The following TRPM8 variants were observed in gnomAD, a reference collection of about 807,000 sequenced individuals.
The protein encoded by TRPM8 is transient receptor potential cation channel subfamily M member 8.
In TRPM8, 110 loss-of-function variants were observed where a neutral mutation model predicts 133.7. The observed-to-expected ratio is 0.82, with a 90% CI of 0.70 to 0.96. TRPM8 has a LOEUF of 0.96. Ranked by LOEUF, TRPM8 falls within the 40% of genes least tolerant of loss-of-function variation. TRPM8 has a pLI of 0.00. For missense variants in TRPM8, 1,291 were observed against 1,379.5 expected (o/e 0.94, Z 1.02); for synonymous variants, 535 against 532.3 (o/e 1.01, Z -0.07).
intron 9 of TRPM8, among the ~76,000 whole-genome samples, chr2:233,952,186 C>A (rs1691185737): frequency 6.6e-6 from 1 of 152,148 alleles, no homozygotes; most frequent in Non-Finnish European, 1.5e-5. Context: ...GTGCCGGGTT[C>A]TGAAATAGGC....
chr2:233,942,800 G>A, intron 6 of TRPM8, 52 bp downstream of exon 6: 1 of 1,607,896 alleles, frequency 6.2e-7, no homozygotes, highest in Non-Finnish European at 8.5e-7. Context: ...GAAAGACCAT[G>A]GCATGGGCCT....
intron 21 of TRPM8, among the ~76,000 whole-genome samples, chr2:233,991,491 C>T (rs1380807314): frequency 6.6e-6 from 1 of 152,214 alleles, no homozygotes; most frequent in Non-Finnish European, 1.5e-5. Context: ...TGGGGCAGTA[C>T]TGGCTAGATA....
chr2:233,979,503 A>G (rs1323836286), intron 17 of TRPM8, among the ~76,000 whole-genome samples: 1 of 152,244 alleles, frequency 6.6e-6, no homozygotes, highest in Non-Finnish European at 1.5e-5. Context: ...TTTAGGAGTC[A>G]TCCAGATGTG....
chr2:233,997,712 C>T (rs1373840554), intron 22 of TRPM8, among the ~76,000 whole-genome samples: 2 of 152,138 alleles, frequency 1.3e-5, no homozygotes, highest in Admixed American at 1.3e-4. Context: ...ACCACACACT[C>T]CACACACTAA....
At chr2:233,974,236 T>C (rs371364606) in intron 17 of TRPM8, among the ~76,000 whole-genome samples, 2 of 152,186 alleles carry the variant, frequency 1.3e-5, no homozygotes, top group African/African-American at 4.8e-5. Context: ...TTTTAGTTTT[T>C]TTGTTGTTTT....
Position 234,017,553 on chromosome 2 carries a change from T to G in TRPM8, c.*297T>G, listed in dbSNP as rs1316788143. ...CTGGAGGTTGATAGTTTAAGTGTGT[T>G]CTTACCGCCTCCTTTTTCCTTTAAT... is the stretch of plus-strand genomic sequence containing the variant. On this transcript the variant is annotated 3_prime_UTR_variant, in exon 26 of 26. Coordinates refer to ENST00000324695, the MANE Select transcript of TRPM8 (RefSeq NM_024080.5). The G allele has an allele frequency of 3.2e-6, 1 of 315,188 alleles. No individual in the cohort carries two copies. The highest frequency in any genetic ancestry group is 6.2e-6 in the Non-Finnish European group (1 of 160,190). The allele number at this position is 315,188 out of a possible 1,614,324, so 19.5% of individuals were successfully genotyped here. A position where few individuals can be genotyped will look rare whatever the true frequency, so the allele number is the denominator to read the frequency against.
chr2:233,959,921 G>A (rs1351613172), intron 11 of TRPM8, among the ~76,000 whole-genome samples: 2 of 151,022 alleles, frequency 1.3e-5, no homozygotes, highest in Non-Finnish European at 2.9e-5. Flanking sequence ...AGCTGGGACT[G>A]CAGGTGCGTG....
chr2:233,959,541 C>T (rs1691380672), intron 11 of TRPM8, among the ~76,000 whole-genome samples: 1 of 151,806 alleles, frequency 6.6e-6, no homozygotes, highest in South Asian at 2.1e-4. Flanking sequence ...AAACTCCTGA[C>T]CTCAATTGAT....
intron 22 of TRPM8, among the ~76,000 whole-genome samples, chr2:233,998,635 T>C (rs17864763): frequency 5.4e-4 from 81 of 151,198 alleles, no homozygotes; most frequent in South Asian, 1.7e-3. Flanking sequence ...CTTGTGCCCA[T>C]CCAGTTAGGG....
chr2:234,012,251 G>A (rs1420895611), intron 24 of TRPM8, among the ~76,000 whole-genome samples: 1 of 151,496 alleles, frequency 6.6e-6, no homozygotes, highest in African/African-American at 2.4e-5. Flanking sequence ...GGGTTCAAGC[G>A]ATTCTCCTGC....
At position 233,937,526 on chromosome 2, in the gene TRPM8, T is replaced by C. The variant is rs201725996; in HGVS notation, c.348+17T>C. The C allele has an allele frequency of 3.7e-6, 6 of 1,605,400 alleles. No individual in the cohort carries two copies. Among genetic ancestry groups the C allele is most frequent in the Non-Finnish European group, 4.3e-6 (5 of 1,175,374 alleles). ...AAAGGGAAGGTAAGCAATGGTTTTCTACTTTGGCAGCTAATTCATAGGCCA... is the reference window on the plus strand; with the variant it reads ...AAAGGGAAGGTAAGCAATGGTTTTCCACTTTGGCAGCTAATTCATAGGCCA... On this transcript the variant is annotated intron_variant, in intron 4 of 25. Coordinates refer to ENST00000324695, the MANE Select transcript of TRPM8 (RefSeq NM_024080.5).
chr2:234,007,171 C>A (rs1396683743), intron 23 of TRPM8, among the ~76,000 whole-genome samples: 1 of 152,126 alleles, frequency 6.6e-6, no homozygotes, highest in Non-Finnish European at 1.5e-5. Context: ...TCCCAATTGC[C>A]CTTCAAGGCC....
intron 22 of TRPM8, among the ~76,000 whole-genome samples, chr2:234,002,127 A>C (rs200348723): frequency 6.6e-6 from 1 of 151,910 alleles, no homozygotes; most frequent in East Asian, 1.9e-4. Context: ...GGGAAGATTT[A>C]TGGAGGAAGG....
Position 234,018,924 on chromosome 2 carries a change from T to C in TRPM8, c.*1668T>C, listed in dbSNP as rs1159965312. On this transcript the variant is annotated 3_prime_UTR_variant, in exon 26 of 26. Coordinates refer to ENST00000324695, the MANE Select transcript of TRPM8 (RefSeq NM_024080.5). ...GAATGGTATAGAATTGGAGAGATTA[T>C]CTTACTGAACACCTGTAGTCCCAGC... 6.6e-6 allele frequency: 1 copy of C among 151,978 alleles called. No homozygotes were observed. Among genetic ancestry groups the C allele is most frequent in the African/African-American group, 2.4e-5 (1 of 41,384 alleles). 9.4% of individuals were successfully genotyped at this position (151,978 alleles called of 1,614,324 possible). A position where few individuals can be genotyped will look rare whatever the true frequency, so the allele number is the denominator to read the frequency against.
At chr2:233,974,073 G>C (rs1007257289) in intron 17 of TRPM8, among the ~76,000 whole-genome samples, 1 of 152,194 alleles carries the variant, frequency 6.6e-6, no homozygotes, top group Non-Finnish European at 1.5e-5. Flanking sequence ...GAAAGGGTGA[G>C]ATTGGGGGTT....
chr2:233,941,342 G>T (rs549501687), intron 5 of TRPM8, among the ~76,000 whole-genome samples: 6 of 152,200 alleles, frequency 3.9e-5, no homozygotes, highest in Admixed American at 3.3e-4. Flanking sequence ...CTGTCTAGAG[G>T]AAGGAGACTG....
rs1176809297 is a variant in TRPM8 at position 233,927,860 on chromosome 2, CTCTTTCTT to C, written c.117+1250_117+1257del. Among the ~76,000 whole-genome samples, 191 of 24,104 alleles carry C rather than the reference CTCTTTCTT, an allele frequency of 7.9e-3. 17 individuals are homozygous for C. The highest frequency in any genetic ancestry group is 0.012 in the South Asian group (8 of 686). 15.8% of individuals were successfully genotyped at this position (24,104 alleles called of 152,430 possible). On this transcript the variant is annotated intron_variant, in intron 2 of 25. Transcript: ENST00000324695. ...CCTTCCTTCCTTCCTTCCTTTCTTT[CTCTTTCTT>C]TCTTTCTTTCTTTCTTTCTTTCTTT...
intron 8 of TRPM8, 49 bp downstream of exon 8, chr2:233,947,204 A>G (rs754633239): frequency 5.0e-6 from 8 of 1,607,342 alleles, no homozygotes; most frequent in Non-Finnish European, 5.1e-6. Context: ...AGCCTATCCA[A>G]CAAATTTGTA....
chr2:234,007,977 CTTTAA>C lies in TRPM8; in HGVS notation c.3231-87_3231-83del, dbSNP rs1372151598. On this transcript the variant is annotated intron_variant, in intron 23 of 25. Transcript: ENST00000324695. ...GAGTGAAAATGACTTGTATTCTGTA[CTTTAA>C]TTTAAAAGACTGCAAAATGGAGCCT... The C allele has an allele frequency of 6.5e-6, 8 of 1,236,000 alleles. No homozygotes were observed. In the East Asian group the frequency reaches 7.0e-5, roughly 11 times the overall value. The allele number at this position is 1,236,000 out of a possible 1,614,324, so 76.6% of individuals were successfully genotyped here. A position where few individuals can be genotyped will look rare whatever the true frequency, so the allele number is the denominator to read the frequency against.
Sources: gnomAD v4.1 joint callset for allele counts (sites outside exome capture counted in the v4.1 genomes callset) on GRCh38, gnomAD v4.1.1 for gene constraint, MANE v1.5 for transcripts, NCBI Gene and HGNC (gene_info 2026-07-23, HGNC 2026-07-21) for gene names.